FRMD4A: variants seen among roughly 807,000 people sequenced by gnomAD.
FRMD4A encodes FERM domain containing 4A, also known as FERM domain-containing protein 4A.
FRMD4A carries 29 observed loss-of-function variants against 129.1 expected under a neutral mutation model. The observed-to-expected ratio is 0.22, with a 90% CI of 0.17 to 0.31. The LOEUF is 0.31. FRMD4A is among the 10% of genes least tolerant of loss of function. FRMD4A has a pLI of 1.00. For missense variants in FRMD4A, 1,272 were observed against 1,375.8 expected (o/e 0.92, Z 1.19); for synonymous variants, 634 against 571.6 (o/e 1.11, Z -1.56).
At chr10:14,300,646 T>A (rs1327684482) in intron 2 of FRMD4A, among the ~76,000 whole-genome samples, 7 of 152,166 alleles carry the variant, frequency 4.6e-5, no homozygotes, top group Non-Finnish European at 2.9e-5. Flanking sequence ...TAAAGTAATA[T>A]TTAACAGGTC....
intron 2 of FRMD4A, among the ~76,000 whole-genome samples, chr10:13,951,824 A>G (rs1196037941): frequency 2.0e-5 from 3 of 151,640 alleles, no homozygotes; most frequent in Non-Finnish European, 2.9e-5. Context: ...CAGGAGTCAG[A>G]GTTTGCAGTG....
At chr10:13,871,177 C>G (rs1054600094) in intron 2 of FRMD4A, 4 of 166,634 alleles carry the variant, frequency 2.4e-5, no homozygotes, top group Non-Finnish European at 5.8e-5. Context: ...CACGACTTCA[C>G]TGACCTCCTC....
intron 3 of FRMD4A, among the ~76,000 whole-genome samples, chr10:13,841,511 A>G (rs556854664): frequency 1.3e-5 from 2 of 152,350 alleles, no homozygotes; most frequent in East Asian, 3.9e-4. Flanking sequence ...ATTGGGTCCA[A>G]TCACATGGCC....
At chr10:13,703,221 C>T (rs1354083963) in intron 13 of FRMD4A, among the ~76,000 whole-genome samples, 6 of 152,094 alleles carry the variant, frequency 3.9e-5, no homozygotes, top group South Asian at 2.1e-4. Flanking sequence ...TGGTCAGGTC[C>T]GGGTAGTTCC....
At chr10:13,811,883 G>GT (rs2093454042) in intron 3 of FRMD4A, among the ~76,000 whole-genome samples, 5 of 135,256 alleles carry the variant, frequency 3.7e-5, no homozygotes, top group African/African-American at 1.4e-4. Context: ...ATTATCTGTT[G>GT]GTTTTTTTTT....
chr10:14,265,702 A>G (rs1224421982), intron 2 of FRMD4A, among the ~76,000 whole-genome samples: 1 of 152,234 alleles, frequency 6.6e-6, no homozygotes, highest in Non-Finnish European at 1.5e-5. Context: ...GAATGGTTCT[A>G]GGTCATAGGA....
At chr10:13,803,659 T>C (rs2093303228) in intron 4 of FRMD4A, among the ~76,000 whole-genome samples, 1 of 150,984 alleles carries the variant, frequency 6.6e-6, no homozygotes. Flanking sequence ...TTTCTAGCGC[T>C]TCTACACCAC....
At chr10:13,913,726 T>A (rs540219964) in intron 2 of FRMD4A, among the ~76,000 whole-genome samples, 24 of 152,208 alleles carry the variant, frequency 1.6e-4, no homozygotes, top group Middle Eastern at 3.4e-3. Context: ...CCTTAGTAAA[T>A]GGGGTATCCT....
At chr10:13,766,549 G>A (rs2092292831) in intron 6 of FRMD4A, among the ~76,000 whole-genome samples, 1 of 152,164 alleles carries the variant, frequency 6.6e-6, no homozygotes, top group East Asian at 1.9e-4. Context: ...TTCATTGGAT[G>A]TTCTCATAGG....
At chr10:14,278,317 T>G (rs1277134363) in intron 2 of FRMD4A, among the ~76,000 whole-genome samples, 1 of 152,202 alleles carries the variant, frequency 6.6e-6, no homozygotes, top group Non-Finnish European at 1.5e-5. Context: ...AACTTACAAA[T>G]AGTTTCCAAA....
At position 14,212,649 on chromosome 10, in the gene FRMD4A, CTTG is replaced by C. The variant is rs1185505938; in HGVS notation, c.45+117406_45+117408del. The stretch of plus-strand genomic sequence containing the variant: ...TAGGAGACCAGGAGGATGACTGATA[CTTG>C]TTGTGGGCAATAAGTGAGTTGTTTT... On this transcript the variant is annotated intron_variant, in intron 2 of 24. Coordinates refer to ENST00000357447, the MANE Select transcript of FRMD4A (RefSeq NM_018027.5). Among the ~76,000 whole-genome samples the C allele has an allele frequency of 5.3e-5, 8 of 152,246 alleles. No individual in the cohort carries two copies. The East Asian group carries it at 1.3e-3, about 26-fold the overall frequency.
chr10:13,878,307 C>G (rs2094509654), intron 2 of FRMD4A, among the ~76,000 whole-genome samples: 1 of 150,568 alleles, frequency 6.6e-6, no homozygotes, highest in Admixed American at 6.6e-5. Flanking sequence ...GATGTTTTTG[C>G]CTGGATCTGA....
At chr10:14,075,593 GAA>G (rs1438981786) in intron 2 of FRMD4A, among the ~76,000 whole-genome samples, 1 of 152,200 alleles carries the variant, frequency 6.6e-6, no homozygotes, top group Non-Finnish European at 1.5e-5. Context: ...GCTTAGATAT[GAA>G]AGCGTAAAGT....
intron 2 of FRMD4A, among the ~76,000 whole-genome samples, chr10:13,911,115 A>G (rs1162364851): frequency 2.0e-5 from 3 of 152,190 alleles, no homozygotes; most frequent in Non-Finnish European, 2.9e-5. Flanking sequence ...ATACAAACAA[A>G]TAAAAATCCT....
At position 14,330,696 on chromosome 10, in the gene FRMD4A, G is replaced by T; in HGVS notation, c.-181C>A. The T allele has an allele frequency of 2.5e-6, 1 of 398,692 alleles. No homozygotes were observed. The highest frequency in any genetic ancestry group is 4.4e-6 in the Non-Finnish European group (1 of 226,278). 24.7% of individuals were successfully genotyped at this position (398,692 alleles called of 1,614,324 possible). ...TGAGACAGCCGAGTCTGACCATGAG[G>T]CACCAGGCAGTCACTGGAGATCAGC... is the stretch of plus-strand genomic sequence containing the variant. On this transcript the variant is annotated 5_prime_UTR_variant, in exon 1 of 25. Transcript: ENST00000357447.
At chr10:14,192,836 C>G (rs559844503) in intron 2 of FRMD4A, among the ~76,000 whole-genome samples, 1 of 152,338 alleles carries the variant, frequency 6.6e-6, no homozygotes, top group Non-Finnish European at 1.5e-5. Flanking sequence ...ACTTTTTCTT[C>G]CAGGGGTCAC....
chr10:13,862,028 C>A (rs2094301788), intron 2 of FRMD4A, among the ~76,000 whole-genome samples: 1 of 152,020 alleles, frequency 6.6e-6, no homozygotes, highest in African/African-American at 2.4e-5. Context: ...TTGGAAAGAA[C>A]CTAAGGTCAA....
chr10:14,127,968 TTCTTTCTTTCCTTC>T (rs1255922386), intron 2 of FRMD4A, among the ~76,000 whole-genome samples: 470 of 33,528 alleles, frequency 0.014, 34 homozygotes, highest in African/African-American at 0.03. Context: ...CTTTCTTTCT[TTCTTTCTTTCCTTC>T]TCTCTCTCTC....
At chr10:14,282,891 G>A (rs1408253465) in intron 2 of FRMD4A, among the ~76,000 whole-genome samples, 4 of 152,160 alleles carry the variant, frequency 2.6e-5, no homozygotes. Flanking sequence ...AGACTGATAT[G>A]TTCTCCATAG....
Sources: gnomAD v4.1 joint callset for allele counts (sites outside exome capture counted in the v4.1 genomes callset) on GRCh38, gnomAD v4.1.1 for gene constraint, MANE v1.5 for transcripts, NCBI Gene and HGNC (gene_info 2026-07-23, HGNC 2026-07-21) for gene names.